DMD: variants seen among roughly 807,000 people sequenced by gnomAD.
DMD encodes mutant dystrophin.
DMD carries 63 observed loss-of-function variants against 330.1 expected under a neutral mutation model. The observed-to-expected ratio is 0.19, with a 90% confidence interval of 0.16 to 0.24. DMD has a LOEUF of 0.24. Ranked by LOEUF, DMD falls within the 10% of genes least tolerant of loss-of-function variation. The pLI, the probability that DMD is intolerant of heterozygous loss-of-function variation, is 1.00. For synonymous variants in DMD, 1,223 were observed against 959.8 expected, an observed-to-expected ratio of 1.27 and a Z score of -5.07; for missense variants, 3,344 against 2,684.1, an observed-to-expected ratio of 1.25 and a Z score of -5.43.
At chrX:31,407,474 T>G (rs1410817075) in intron 60 of DMD, among the ~76,000 whole-genome samples, 1 of 104,714 alleles carries the variant, frequency 9.5e-6, no homozygotes, top group African/African-American at 3.5e-5. Flanking sequence ...CCCTTTTTTT[T>G]TTTCTTTTTT....
chrX:31,279,153 G>A (rs1213637745), intron 62 of DMD, among the ~76,000 whole-genome samples: 1 of 111,939 alleles, frequency 8.9e-6, no homozygotes, highest in Admixed American at 9.5e-5. Context: ...GGTTAACTAT[G>A]TTTGTAATCA....
intron 53 of DMD, among the ~76,000 whole-genome samples, chrX:31,660,024 T>C (rs1323786768): frequency 8.9e-6 from 1 of 112,107 alleles, no homozygotes. Flanking sequence ...ACAATCTATA[T>C]ATAATGTAAT....
intron 29 of DMD, chrX:32,412,359 T>A: frequency 2.3e-6 from 1 of 434,420 alleles, no homozygotes; most frequent in Non-Finnish European, 3.5e-6. Flanking sequence ...TACAATCTGT[T>A]CAGAATCAGC....
intron 69 of DMD, among the ~76,000 whole-genome samples, chrX:31,179,188 A>G (rs1222426717): frequency 3.5e-5 from 4 of 112,850 alleles, no homozygotes; most frequent in Non-Finnish European, 1.9e-5. Flanking sequence ...TTAGTACAAA[A>G]TGATAGCATG....
chrX:33,305,175 C>A (rs1367844305), intron 1 of DMD, among the ~76,000 whole-genome samples: 2 of 106,218 alleles, frequency 1.9e-5, no homozygotes, highest in Non-Finnish European at 3.9e-5. Context: ...CCCAAATGTC[C>A]AACAATGATA....
At chrX:32,325,073 G>A (rs1234495184) in intron 41 of DMD, among the ~76,000 whole-genome samples, 1 of 110,842 alleles carries the variant, frequency 9.0e-6, no homozygotes, top group Non-Finnish European at 1.9e-5. Context: ...ATAATACACA[G>A]AATAAAGCAG....
chrX:31,679,062 A>T (rs890588015), intron 53 of DMD, among the ~76,000 whole-genome samples: 20 of 109,883 alleles, frequency 1.8e-4, no homozygotes, highest in South Asian at 4.0e-4. Flanking sequence ...AAAAATTTTT[A>T]AAAAATTAGC....
intron 44 of DMD, among the ~76,000 whole-genome samples, chrX:32,005,225 G>A (rs1187591855): frequency 1.8e-5 from 2 of 111,605 alleles, no homozygotes; most frequent in Admixed American, 1.9e-4. Flanking sequence ...TCAGCGCTAT[G>A]AATGGGTCTC....
chrX:33,123,137 T>C (rs143183464), intron 1 of DMD, among the ~76,000 whole-genome samples: 23 of 112,211 alleles, frequency 2.0e-4, no homozygotes, highest in African/African-American at 7.1e-4. Flanking sequence ...TACAGGTTTG[T>C]AGCCAAACAG....
At position 33,008,992 on chromosome X, in the gene DMD, G is replaced by A. The variant is rs747862488; in HGVS notation, c.93+11147C>T. On this transcript the variant is annotated intron_variant, in intron 2 of 78. Transcript: ENST00000357033. Reference sequence around the variant, plus strand: ...TGTATATACACTTATGTATATATACGTGTGTATATATACACACATACACAC... The same window carrying A: ...TGTATATACACTTATGTATATATACATGTGTATATATACACACATACACAC... 5.4e-5 allele frequency among the ~76,000 whole-genome samples: 5 copies of A among 92,670 alleles called. No individual in the cohort carries two copies. In the South Asian group the frequency reaches 1.4e-3, roughly 25 times the overall value. 80.5% of individuals were successfully genotyped at this position (92,670 alleles called of 115,157 possible).
chrX:32,538,105 G>A (rs957733347), intron 17 of DMD, among the ~76,000 whole-genome samples: 1 of 112,110 alleles, frequency 8.9e-6, no homozygotes, highest in African/African-American at 3.2e-5. Flanking sequence ...GCAGTAAGGT[G>A]TCACAAGATG....
chrX:32,080,873 T>C (rs184719815), intron 44 of DMD, among the ~76,000 whole-genome samples: 1 of 112,232 alleles, frequency 8.9e-6, no homozygotes, highest in East Asian at 2.8e-4. Flanking sequence ...AGGACTACTC[T>C]GAAGGGTCAT....
At chrX:32,475,594 G>GT (rs1361234523) in intron 21 of DMD, among the ~76,000 whole-genome samples, 1 of 111,017 alleles carries the variant, frequency 9.0e-6, no homozygotes, top group Non-Finnish European at 1.9e-5. Flanking sequence ...ATATTCCTAA[G>GT]TTTTTTGTTG....
chrX:32,991,145 A>G (rs777605673), intron 2 of DMD, among the ~76,000 whole-genome samples: 9 of 111,328 alleles, frequency 8.1e-5, no homozygotes, highest in African/African-American at 2.6e-4. Flanking sequence ...AAAATTATAT[A>G]TATTATCTAA....
intron 1 of DMD, among the ~76,000 whole-genome samples, chrX:33,124,203 C>A (rs2095443696): frequency 9.3e-6 from 1 of 107,122 alleles, no homozygotes; most frequent in Non-Finnish European, 1.9e-5. Context: ...CCTGGCCAGG[C>A]ACGGTGGCTC....
chrX:32,972,924 G>T (rs1258511407), intron 2 of DMD, among the ~76,000 whole-genome samples: 3 of 111,766 alleles, frequency 2.7e-5, no homozygotes, highest in Non-Finnish European at 3.8e-5. Flanking sequence ...TACCATACAT[G>T]CCTGTAAATA....
chrX:32,686,339 C>G (rs1197648805), intron 9 of DMD, among the ~76,000 whole-genome samples: 1 of 110,223 alleles, frequency 9.1e-6, no homozygotes, highest in Non-Finnish European at 1.9e-5. Flanking sequence ...GGCTGGATCA[C>G]CTGAGGTCAA....
At chrX:32,919,588 T>A (rs2088190419) in intron 2 of DMD, among the ~76,000 whole-genome samples, 1 of 112,045 alleles carries the variant, frequency 8.9e-6, no homozygotes, top group African/African-American at 3.2e-5. Context: ...TTTTATTTAC[T>A]CTTCAAAGAA....
At chrX:32,770,938 C>T (rs1015380480) in intron 7 of DMD, among the ~76,000 whole-genome samples, 1 of 111,622 alleles carries the variant, frequency 9.0e-6, no homozygotes, top group Admixed American at 9.5e-5. Context: ...CTTTCAACTA[C>T]AGGAACATTT....
Sources: gnomAD v4.1 joint callset for allele counts (sites outside exome capture counted in the v4.1 genomes callset) on GRCh38, gnomAD v4.1.1 for gene constraint, MANE v1.5 for transcripts, NCBI Gene and HGNC (gene_info 2026-07-23, HGNC 2026-07-21) for gene names.